SMARCC1: variants seen among roughly 807,000 people sequenced by gnomAD.
SMARCC1 encodes the protein SWI/SNF complex subunit SMARCC1.
In SMARCC1, 43 loss-of-function variants were observed where a neutral mutation model predicts 147.4. The observed-to-expected ratio is 0.29, with a 90% CI of 0.23 to 0.38. The LOEUF (loss-of-function observed/expected upper bound fraction) is 0.38, where lower values mean the gene tolerates loss of function less well. Among genes scored for constraint, SMARCC1 ranks in the 10% least tolerant of loss-of-function variants. The pLI is 1.00. For synonymous variants in SMARCC1, 495 were observed against 484.4 expected, an observed-to-expected ratio of 1.02 and a Z score of -0.29; for missense variants, 1,119 against 1,381.1, an observed-to-expected ratio of 0.81 and a Z score of 3.01.
At chr3:47,608,766 T>C (rs1343459418) in intron 26 of SMARCC1, among the ~76,000 whole-genome samples, 1 of 150,182 alleles carries the variant, frequency 6.7e-6, no homozygotes, top group Non-Finnish European at 1.5e-5. Flanking sequence ...GGAGGATTGA[T>C]TGAGCCTGGG....
At chr3:47,731,662 A>G (rs2034375840) in intron 5 of SMARCC1, among the ~76,000 whole-genome samples, 1 of 152,242 alleles carries the variant, frequency 6.6e-6, no homozygotes, top group South Asian at 2.1e-4. Flanking sequence ...TGGAAATAAC[A>G]TTAATTTCCT....
chr3:47,755,783 G>A (rs2034689884), intron 2 of SMARCC1, among the ~76,000 whole-genome samples: 1 of 151,674 alleles, frequency 6.6e-6, no homozygotes, highest in Non-Finnish European at 1.5e-5. Context: ...ACAAGGTCAG[G>A]AGTTCGAGAC....
At chr3:47,780,488 A>T (rs563921999) in intron 1 of SMARCC1, among the ~76,000 whole-genome samples, 43 of 152,126 alleles carry the variant, frequency 2.8e-4, no homozygotes, top group African/African-American at 1.0e-3. Flanking sequence ...TGCCAAAGGA[A>T]CCCAAGATCC....
intron 3 of SMARCC1, among the ~76,000 whole-genome samples, chr3:47,741,679 C>A (rs1368096765): frequency 6.6e-6 from 1 of 151,342 alleles, no homozygotes; most frequent in African/African-American, 2.4e-5. Flanking sequence ...AATTCTTCAC[C>A]CCTCATTCTT....
In SMARCC1 at chr3:47,728,889, C is replaced by T. The variant is rs1039170115; in HGVS notation, c.646+136G>A. Reference sequence around the variant, plus strand: ...TCGCGCCACTGCACTCCAGCCTGGGCGACAGACTCCATCTTCAAAACAAAA... The same window carrying T: ...TCGCGCCACTGCACTCCAGCCTGGGTGACAGACTCCATCTTCAAAACAAAA... On this transcript the variant is annotated intron_variant, in intron 6 of 27. Transcript: ENST00000254480. The T allele has an allele frequency of 8.0e-6, 4 of 501,176 alleles. No individual in the cohort carries two copies. The South Asian group carries it at 1.1e-4, about 14-fold the overall frequency. 31.0% of individuals were successfully genotyped at this position (501,176 alleles called of 1,614,324 possible).
chr3:47,636,049 T>C lies in SMARCC1; in HGVS notation c.2464A>G (p.Ser822Gly). Reference protein sequence around the residue: ...NEKNSEKEQDSEVSEDTKSEE... With the variant: ...NEKNSEKEQDGEVSEDTKSEE... Reference sequence around the variant, plus strand: ...GATTTGGTATCCTCACTCACTTCACTATCCTGTTCCTTTTCACTATTTTTT... The same window carrying C: ...GATTTGGTATCCTCACTCACTTCACCATCCTGTTCCTTTTCACTATTTTTT... The change falls in exon 23 of 28, where the codon AGT (serine) becomes GGT (glycine). Residue 822 changes from serine (S) to glycine (G), a missense_variant. This residue lies in a region of SMARCC1 where 157 missense variants were observed against 158.6 expected (regional missense o/e 0.99). Coordinates refer to ENST00000254480, the MANE Select transcript of SMARCC1 (RefSeq NM_003074.4). 1.3e-6 allele frequency: 2 copies of C among 1,595,106 alleles called. No homozygotes were observed. The highest frequency in any genetic ancestry group is 1.7e-6 in the Non-Finnish European group (2 of 1,163,554).
chr3:47,639,869 T>C (rs2033026275), intron 21 of SMARCC1, among the ~76,000 whole-genome samples: 1 of 152,170 alleles, frequency 6.6e-6, no homozygotes, highest in Non-Finnish European at 1.5e-5. Flanking sequence ...CACAGAAAGA[T>C]GGTACAAATG....
At chr3:47,778,301 TGTTTTGTTTTGTTTC>T (rs2035002212) in intron 1 of SMARCC1, among the ~76,000 whole-genome samples, 1 of 147,210 alleles carries the variant, frequency 6.8e-6, no homozygotes, top group African/African-American at 2.7e-5. Flanking sequence ...TTTTGTTTTT[TGTTTTGTTTTGTTTC>T]GTTTTGTTTT....
In SMARCC1 at chr3:47,664,962, GTTTAC is replaced by G. The variant is rs2033403641; in HGVS notation, c.1900-2375_1900-2371del. On this transcript the variant is annotated intron_variant, in intron 19 of 27. Transcript: ENST00000254480. ...TTTCTATAACAATAGTTGTCTCCAT[GTTTAC>G]TTTTTCAGTTAATTATTTTACTTCA... 3.9e-5 allele frequency among the ~76,000 whole-genome samples: 6 copies of G among 151,942 alleles called. No homozygotes were observed. The South Asian group carries it at 1.2e-3, about 32-fold the overall frequency.
chr3:47,650,845 G>A (rs908979376), intron 21 of SMARCC1, among the ~76,000 whole-genome samples: 3 of 151,928 alleles, frequency 2.0e-5, no homozygotes, highest in African/African-American at 7.2e-5. Context: ...ATAAAGAAAA[G>A]TTTAATAAAA....
At chr3:47,763,288 AG>A (rs1435590385) in intron 2 of SMARCC1, among the ~76,000 whole-genome samples, 1 of 151,190 alleles carries the variant, frequency 6.6e-6, no homozygotes, top group Non-Finnish European at 1.5e-5. Flanking sequence ...TTAGGATTAC[AG>A]GCATGAGCCA....
At position 47,588,016 on chromosome 3, in the gene SMARCC1, T is replaced by A. The variant is rs2032101578; in HGVS notation, c.*193A>T. 1.7e-6 allele frequency: 1 copy of A among 575,296 alleles called. No individual in the cohort carries two copies. The highest frequency in any genetic ancestry group is 3.1e-6 in the Non-Finnish European group (1 of 324,176). The allele number at this position is 575,296 out of a possible 1,614,324, so 35.6% of individuals were successfully genotyped here. ...CTGTCACTACAGGTTTCCCCTTGAG[T>A]GTTGGCTGAGGACCCAACACAAAAA... On this transcript the variant is annotated 3_prime_UTR_variant, in exon 28 of 28. Transcript: ENST00000254480.
At chr3:47,653,280 A>G (rs148155862) in intron 21 of SMARCC1, among the ~76,000 whole-genome samples, 1 of 152,274 alleles carries the variant, frequency 6.6e-6, no homozygotes, top group African/African-American at 2.4e-5. Context: ...TTCACCATAT[A>G]CATCATATAT....
intron 25 of SMARCC1, among the ~76,000 whole-genome samples, chr3:47,612,113 GA>G (rs1214450305): frequency 6.6e-6 from 1 of 152,146 alleles, no homozygotes; most frequent in Non-Finnish European, 1.5e-5. Context: ...CTGTGTGCAT[GA>G]TGAGAAGGGA....
chr3:47,635,548 T>G (rs2106702576), intron 23 of SMARCC1, among the ~76,000 whole-genome samples: 1 of 152,334 alleles, frequency 6.6e-6, no homozygotes, highest in South Asian at 2.1e-4. Context: ...AGCACACTTG[T>G]TTTCCTATCA....
chr3:47,667,488 G>GA (rs1434457981), intron 19 of SMARCC1, among the ~76,000 whole-genome samples: 6 of 152,030 alleles, frequency 3.9e-5, no homozygotes, highest in Non-Finnish European at 7.3e-5. Flanking sequence ...TATCACGGGA[G>GA]AATCAGTGAG....
In SMARCC1 at chr3:47,676,773, G is replaced by A. The variant is rs1338492495; in HGVS notation, c.1581C>T (p.Ala527=). 8.1e-6 allele frequency: 13 copies of A among 1,613,038 alleles called. No individual in the cohort carries two copies. Among genetic ancestry groups the A allele is most frequent in the Non-Finnish European group, 1.1e-5 (13 of 1,179,878 alleles). The change falls in exon 17 of 28, where the codon GCC becomes GCT. Residue 527 remains alanine, a synonymous_variant. Transcript: ENST00000254480. The part of the protein sequence containing the change: ...GDVCAVMRVH[A]FLEQWGLVNY... ...TAACGAGTCCCCACTGCTCTAAAAA[G>A]GCATGGACCCTAAAGAATAAAGCTC...
chr3:47,710,342 A>C (rs2034069020), intron 9 of SMARCC1, among the ~76,000 whole-genome samples: 1 of 152,132 alleles, frequency 6.6e-6, no homozygotes, highest in Admixed American at 6.6e-5. Context: ...CATACTAAAC[A>C]AAATGAGTTT....
At chr3:47,611,557 T>C (rs530173219) in intron 25 of SMARCC1, among the ~76,000 whole-genome samples, 1 of 152,372 alleles carries the variant, frequency 6.6e-6, no homozygotes, top group East Asian at 1.9e-4. Context: ...CACATATTTC[T>C]GTCCAATAGC....
Sources: allele counts gnomAD v4.1 joint callset (sites outside exome capture counted in the v4.1 genomes callset), GRCh38; gene constraint gnomAD v4.1.1; regional missense constraint gnomAD v4.1.1; transcripts MANE v1.5; gene names NCBI Gene and HGNC (gene_info 2026-07-23, HGNC 2026-07-21).